Variants in SPIDR observed in about 807,000 individuals in gnomAD.
SPIDR encodes the protein scaffold protein involved in DNA repair, also known as DNA repair-scaffolding protein.
A neutral mutation model predicts 104.6 loss-of-function variants in SPIDR; 93 were observed. The observed-to-expected ratio is 0.89, with a 90% confidence interval of 0.75 to 1.06. The LOEUF (loss-of-function observed/expected upper bound fraction) is 1.06. Ranked by LOEUF, SPIDR falls within the 50% of genes least tolerant of loss-of-function variation. The pLI is 0.00. For synonymous variants in SPIDR, 431 were observed against 416.9 expected (o/e 1.03, Z -0.41); for missense variants, 1,154 against 1,111.2 (o/e 1.04, Z -0.55).
At chr8:47,463,236 C>T (rs2074233288) in intron 8 of SPIDR, among the ~76,000 whole-genome samples, 1 of 151,770 alleles carries the variant, frequency 6.6e-6, no homozygotes. Context: ...TGGTGGGCGC[C>T]CGTAGTTTCA....
At chr8:47,423,149 C>G (rs1480958331) in intron 7 of SPIDR, among the ~76,000 whole-genome samples, 1 of 151,802 alleles carries the variant, frequency 6.6e-6, no homozygotes, top group African/African-American at 2.4e-5. Flanking sequence ...TCTAAAAATG[C>G]AAAAATTGGC....
Position 47,617,852 on chromosome 8 carries a change from A to G in SPIDR, c.1544+18656A>G, listed in dbSNP as rs183152185. 2.2e-4 allele frequency among the ~76,000 whole-genome samples: 33 copies of G among 152,286 alleles called. 1 individual carries two copies. The highest frequency in any genetic ancestry group is 3.4e-3 in the Middle Eastern group (1 of 294). On this transcript the variant is annotated intron_variant, in intron 10 of 19. Coordinates refer to ENST00000297423, the MANE Select transcript of SPIDR (RefSeq NM_001080394.4). The stretch of plus-strand genomic sequence containing the variant: ...ACTTTATGCCATTTTGGGAGTGGGA[A>G]GTACTAACTTAAAATGAATATTGCT...
intron 7 of SPIDR, among the ~76,000 whole-genome samples, chr8:47,408,256 C>CA (rs1554668741): frequency 1.3e-5 from 2 of 152,080 alleles, no homozygotes. Context: ...ACCCTCTTAG[C>CA]AAAATTTATT....
chr8:47,315,707 G>A (rs1245552774), intron 5 of SPIDR, among the ~76,000 whole-genome samples: 1 of 152,134 alleles, frequency 6.6e-6, no homozygotes, highest in Non-Finnish European at 1.5e-5. Context: ...AAATGGAGCA[G>A]AACAGATAAC....
intron 10 of SPIDR, among the ~76,000 whole-genome samples, chr8:47,668,770 A>G (rs2075365524): frequency 1.3e-5 from 2 of 152,254 alleles, no homozygotes; most frequent in Admixed American, 6.5e-5. Context: ...ATGGATTACA[A>G]AAGTTCAATA....
intron 7 of SPIDR, among the ~76,000 whole-genome samples, chr8:47,416,627 CT>C (rs113154517): frequency 5.3e-5 from 8 of 151,368 alleles, no homozygotes; most frequent in South Asian, 2.1e-4. Flanking sequence ...TCAATGAATT[CT>C]TTTTTTTTAT....
At chr8:47,669,387 C>G (rs1374393330) in intron 10 of SPIDR, among the ~76,000 whole-genome samples, 1 of 152,148 alleles carries the variant, frequency 6.6e-6, no homozygotes, top group African/African-American at 2.4e-5. Flanking sequence ...CCAGTCGAAC[C>G]AGGGGGGTGA....
At chr8:47,669,390 G>C (rs539118093) in intron 10 of SPIDR, among the ~76,000 whole-genome samples, 1 of 152,198 alleles carries the variant, frequency 6.6e-6, no homozygotes, top group East Asian at 1.9e-4. Context: ...GTCGAACCAG[G>C]GGGGTGATGA....
intron 7 of SPIDR, among the ~76,000 whole-genome samples, chr8:47,409,458 A>G (rs944959975): frequency 2.6e-5 from 4 of 152,092 alleles, no homozygotes; most frequent in Non-Finnish European, 4.4e-5. Flanking sequence ...TGTTCCCTCC[A>G]TCTAGAGTAG....
At chr8:47,360,615 A>G (rs916083824) in intron 5 of SPIDR, among the ~76,000 whole-genome samples, 1 of 152,236 alleles carries the variant, frequency 6.6e-6, no homozygotes, top group East Asian at 1.9e-4. Context: ...CCAGCCAGCT[A>G]CGTGTGCCTT....
intron 5 of SPIDR, among the ~76,000 whole-genome samples, chr8:47,328,241 T>C (rs1285376272): frequency 6.6e-6 from 1 of 151,874 alleles, no homozygotes; most frequent in Non-Finnish European, 1.5e-5. Context: ...GTGTATGGTG[T>C]GAGGCAGGTG....
intron 5 of SPIDR, among the ~76,000 whole-genome samples, chr8:47,299,920 G>C (rs1166229645): frequency 2.6e-5 from 4 of 152,028 alleles, no homozygotes; most frequent in African/African-American, 9.7e-5. Flanking sequence ...CTCTTTTTTG[G>C]TTGTGTCTCT....
At chr8:47,451,330 C>G (rs2071680998) in intron 8 of SPIDR, among the ~76,000 whole-genome samples, 1 of 151,856 alleles carries the variant, frequency 6.6e-6, no homozygotes, top group Admixed American at 6.6e-5. Flanking sequence ...GCCTGTAATC[C>G]CAGCAATTTG....
intron 3 of SPIDR, among the ~76,000 whole-genome samples, chr8:47,288,794 A>T (rs1586392216): frequency 6.6e-6 from 1 of 152,238 alleles, no homozygotes; most frequent in South Asian, 2.1e-4. Context: ...AGTGTTCAGT[A>T]AATGTTGACT....
In SPIDR at chr8:47,360,797, T is replaced by C. The variant is rs139256756; in HGVS notation, c.526-35579T>C. ...AAAGTCTGTGGGGCAAAAATTTGTC[T>C]ACTGGTCACCAGTTTGTGTCCAGTG... On this transcript the variant is annotated intron_variant, in intron 5 of 19. Coordinates refer to ENST00000297423, the MANE Select transcript of SPIDR (RefSeq NM_001080394.4). The C allele has an allele frequency of 9.6e-3, 9,417 of 984,098 alleles. 55 individuals are homozygous for C. The highest frequency in any genetic ancestry group is 0.011 in the Non-Finnish European group (8,713 of 828,692). 61.0% of individuals were successfully genotyped at this position (984,098 alleles called of 1,614,324 possible).
chr8:47,724,256 C>T (rs920719735), intron 16 of SPIDR, among the ~76,000 whole-genome samples: 1 of 152,136 alleles, frequency 6.6e-6, no homozygotes, highest in Non-Finnish European at 1.5e-5. Context: ...GAGAACCAGT[C>T]AACTAGGCAT....
intron 16 of SPIDR, among the ~76,000 whole-genome samples, chr8:47,718,316 CAG>C (rs997432018): frequency 4.6e-5 from 7 of 152,296 alleles, no homozygotes; most frequent in South Asian, 2.1e-4. Context: ...GATTTCTAAA[CAG>C]GGGAGGAAAC....
At chr8:47,687,225 A>T (rs1320961301) in intron 11 of SPIDR, among the ~76,000 whole-genome samples, 3 of 152,170 alleles carry the variant, frequency 2.0e-5, no homozygotes, top group Non-Finnish European at 4.4e-5. Context: ...TAATATAGCC[A>T]CTGTTTTGTT....
intron 5 of SPIDR, among the ~76,000 whole-genome samples, chr8:47,387,401 A>T (rs1281165973): frequency 6.6e-6 from 1 of 152,118 alleles, no homozygotes; most frequent in East Asian, 1.9e-4. Flanking sequence ...TGTAGGGCAG[A>T]CCCTGGCAGG....
Sources: allele counts gnomAD v4.1 joint callset (sites outside exome capture counted in the v4.1 genomes callset), GRCh38; gene constraint gnomAD v4.1.1; transcripts MANE v1.5; gene names NCBI Gene and HGNC (gene_info 2026-07-23, HGNC 2026-07-21).